Variants in FRMPD1 observed in about 807,000 individuals in gnomAD.
FRMPD1 encodes FERM and PDZ domain containing 1, also known as FERM and PDZ domain-containing protein 1.
FRMPD1 carries 76 observed loss-of-function variants against 117.8 expected under a neutral mutation model. The ratio of observed to expected loss-of-function variants is 0.65; its 90% CI spans 0.54 to 0.78. The LOEUF (loss-of-function observed/expected upper bound fraction) is 0.78. FRMPD1 is among the 30% of genes least tolerant of loss of function. FRMPD1 has a pLI of 0.00. For missense variants in FRMPD1, 1,786 were observed against 1,964.5 expected, an observed-to-expected ratio of 0.91 and a Z score of 1.72; for synonymous variants, 783 against 770.4, an observed-to-expected ratio of 1.02 and a Z score of -0.27.
the FRMPD1 span, among the ~76,000 whole-genome samples, chr9:37,622,361 G>A: frequency 1.3e-5 from 2 of 152,170 alleles, no homozygotes; most frequent in South Asian, 4.1e-4. Flanking sequence ...TAAAATGTTC[G>A]TTACACACAC....
chr9:37,625,981 G>A, the FRMPD1 span, among the ~76,000 whole-genome samples: 3 of 152,206 alleles, frequency 2.0e-5, no homozygotes, highest in African/African-American at 7.2e-5. Context: ...CCAGCACTTT[G>A]GGAGACCACG....
chr9:37,638,016 CTT>C, the FRMPD1 span, among the ~76,000 whole-genome samples: 56 of 122,218 alleles, frequency 4.6e-4, 8 homozygotes, highest in South Asian at 3.4e-3. Flanking sequence ...TTCTTTCTTT[CTT>C]TCTTTCTCTC....
At chr9:37,610,211 G>A in the FRMPD1 span, among the ~76,000 whole-genome samples, 3 of 152,128 alleles carry the variant, frequency 2.0e-5, no homozygotes, top group Non-Finnish European at 4.4e-5. Flanking sequence ...ATAGTTACGG[G>A]ATACATGTGA....
Position 37,735,583 on chromosome 9 carries a change from T to C in FRMPD1, c.1250T>C (p.Leu417Pro). ...LQDRESYIAL[L>P]VGAKYGISQV... ...GATAGAGAATCCTACATTGCCCTTC[T>C]AGTTGGAGCCAAGTATGGGATTAGC... The change falls in exon 13 of 16, where the codon CTA becomes CCA. Residue 417 changes from leucine to proline, a missense_variant. Coordinates refer to ENST00000377765, the MANE Select transcript of FRMPD1 (RefSeq NM_014907.3). The C allele has an allele frequency of 1.2e-6, 2 of 1,613,954 alleles. No homozygotes were observed. Among genetic ancestry groups the C allele is most frequent in the South Asian group, 2.2e-5 (2 of 91,076 alleles).
At position 37,721,589 on chromosome 9, in the gene FRMPD1, T is replaced by TG. The variant is rs527628268; in HGVS notation, c.516+2415dup. On this transcript the variant is annotated intron_variant, in intron 6 of 15. Coordinates refer to ENST00000377765, the MANE Select transcript of FRMPD1 (RefSeq NM_014907.3). ...ATAAATTGGCTTAAACTTTTTTGAG[T>TG]GGAAAAAAAACAAAATTTAATGACT... 9.9e-5 allele frequency among the ~76,000 whole-genome samples: 15 copies of TG among 152,124 alleles called. No homozygotes were observed. The East Asian group carries it at 2.7e-3, about 27-fold the overall frequency.
At chr9:37,629,526 G>A in the FRMPD1 span, among the ~76,000 whole-genome samples, 29,583 of 152,100 alleles carry the variant, frequency 0.19, 2,975 homozygotes, top group Middle Eastern at 0.22. Context: ...CACGCCAATT[G>A]CATGCTCAGG....
the FRMPD1 span, among the ~76,000 whole-genome samples, chr9:37,606,324 T>A: frequency 3.6e-3 from 556 of 152,364 alleles, 3 homozygotes; most frequent in African/African-American, 0.012. Flanking sequence ...TCTTGAGTGA[T>A]GAAAAAATTG....
the FRMPD1 span, among the ~76,000 whole-genome samples, chr9:37,636,258 G>A: frequency 6.6e-6 from 1 of 152,158 alleles, no homozygotes; most frequent in Admixed American, 6.5e-5. Context: ...TCCTGGCCCT[G>A]GGCACTGACT....
intron 2 of FRMPD1, among the ~76,000 whole-genome samples, chr9:37,706,985 T>G (rs1224486972): frequency 1.3e-5 from 2 of 152,086 alleles, no homozygotes; most frequent in African/African-American, 4.8e-5. Flanking sequence ...CATTCATTCA[T>G]TGATTCACTC....
chr9:37,695,617 A>G (rs975754945), intron 2 of FRMPD1, among the ~76,000 whole-genome samples: 1 of 152,178 alleles, frequency 6.6e-6, no homozygotes, highest in African/African-American at 2.4e-5. Context: ...TAACTGAAAA[A>G]GCTGAGTGAG....
At chr9:37,704,548 T>G (rs1213966216) in intron 2 of FRMPD1, among the ~76,000 whole-genome samples, 4 of 152,114 alleles carry the variant, frequency 2.6e-5, no homozygotes, top group African/African-American at 4.8e-5. Context: ...GCTTCCCAGC[T>G]GTATGACTTT....
In FRMPD1 at chr9:37,711,344, T is replaced by C. The variant is rs374743017; in HGVS notation, c.363-6T>C. 5 of 1,601,624 alleles carry C rather than the reference T, an allele frequency of 3.1e-6. No individual in the cohort carries two copies. The highest frequency in any genetic ancestry group is 3.4e-6 in the Non-Finnish European group (4 of 1,168,614). The stretch of plus-strand genomic sequence containing the variant: ...ATGTTTTTGTCTTTATTCTTTCTTT[T>C]TTCAGGGAAGCAGAAGATTCTCTTT... On this transcript the variant is annotated splice_polypyrimidine_tract_variant and splice_region_variant and intron_variant, in intron 4 of 15. Coordinates refer to ENST00000377765, the MANE Select transcript of FRMPD1 (RefSeq NM_014907.3).
the FRMPD1 span, among the ~76,000 whole-genome samples, chr9:37,610,353 G>A: frequency 4.6e-5 from 7 of 152,080 alleles, no homozygotes; most frequent in Non-Finnish European, 7.4e-5. Context: ...ACAGTGTCTA[G>A]CACATAAGAG....
At chr9:37,693,854 C>T (rs759802919) in intron 2 of FRMPD1, among the ~76,000 whole-genome samples, 3 of 152,206 alleles carry the variant, frequency 2.0e-5, no homozygotes, top group Admixed American at 6.5e-5. Context: ...CAGAACCCCC[C>T]GCAGCTTAAG....
At chr9:37,680,374 T>A (rs1821684878) in intron 1 of FRMPD1, among the ~76,000 whole-genome samples, 1 of 152,236 alleles carries the variant, frequency 6.6e-6, no homozygotes, top group Admixed American at 6.5e-5. Flanking sequence ...TTGCTATATA[T>A]TTATTTTAAT....
chr9:37,744,302 C>T (rs1824570271), intron 15 of FRMPD1, 87 bp from the exon 16 acceptor site: 13 of 965,240 alleles, frequency 1.3e-5, no homozygotes. Context: ...AGAATTTAAA[C>T]CCAGGAAAGC....
At chr9:37,626,714 A>G in the FRMPD1 span, among the ~76,000 whole-genome samples, 141,720 of 149,606 alleles carry the variant, frequency 0.95, 67,626 homozygotes, top group East Asian at 1. Flanking sequence ...ACCTGAGCCC[A>G]GGTGATAGAG....
the FRMPD1 span, among the ~76,000 whole-genome samples, chr9:37,624,268 T>C: frequency 6.6e-6 from 1 of 152,252 alleles, no homozygotes; most frequent in African/African-American, 2.4e-5. Flanking sequence ...ATTCTCCTGC[T>C]AGTTCCTTTC....
Position 37,740,189 on chromosome 9 carries a change from T to C in FRMPD1, c.1661T>C (p.Ile554Thr), listed in dbSNP as rs1314511355. Residue 554 changes from isoleucine to threonine, a missense_variant, in exon 15 of 16, where the codon ATA becomes ACA. Physicochemically the swap from Ile to Thr is moderately conservative, Grantham distance 89. Transcript: ENST00000377765. This position sits in a 1 kb window ranked among gnomAD's most constrained non-coding sequence, Gnocchi z 4.2. ...AAACTGGCACCCTGCAGATCACTCA[T>C]AAAGGAGGAGCAGCCTCCTGGGAAC... ...LVKLAPCRSL[I>T]KEEQPPGNSP... 6.2e-7 allele frequency: 1 copy of C among 1,613,750 alleles called. No homozygotes were observed. Among genetic ancestry groups the C allele is most frequent in the Non-Finnish European group, 8.5e-7 (1 of 1,179,894 alleles).
Sources: allele counts gnomAD v4.1 joint callset (sites outside exome capture counted in the v4.1 genomes callset), GRCh38; gene constraint gnomAD v4.1.1; non-coding constraint Gnocchi (gnomAD v3.1); transcripts MANE v1.5; gene names NCBI Gene and HGNC (gene_info 2026-07-23, HGNC 2026-07-21).